Variants in WWOX observed in about 807,000 individuals in gnomAD.
WWOX encodes WW domain-containing oxidoreductase.
WWOX carries 69 observed loss-of-function variants against 46.2 expected under a neutral mutation model. That is an observed-to-expected ratio of 1.49 (90% CI 1.23 to 1.82). The LOEUF is 1.82. WWOX is among the 40% of genes most tolerant of loss of function. The pLI, the probability that WWOX is intolerant of heterozygous loss-of-function variation, is 0.00. For missense variants in WWOX, 919 were observed against 542.6 expected (o/e 1.69, Z -6.89); for synonymous variants, 359 against 202.6 (o/e 1.77, Z -6.56).
intron 8 of WWOX, among the ~76,000 whole-genome samples, chr16:79,139,569 G>A (rs948536479): frequency 3.3e-5 from 5 of 152,206 alleles, no homozygotes; most frequent in African/African-American, 7.2e-5. Flanking sequence ...TGGAAGTCAC[G>A]TGGGCTTTTT....
chr16:78,424,810 A>G (rs1597215682), intron 6 of WWOX, 60 bp from the exon 7 acceptor site: 33 of 1,595,268 alleles, frequency 2.1e-5, no homozygotes, highest in South Asian at 6.6e-5. Context: ...CCGAAGGAGC[A>G]TGGATTATCC....
At chr16:78,913,881 A>C (rs887768346) in intron 8 of WWOX, among the ~76,000 whole-genome samples, 56 of 151,966 alleles carry the variant, frequency 3.7e-4, no homozygotes, top group African/African-American at 1.3e-3. Context: ...GGCTGGTCTC[A>C]AAGTCCTGGC....
At position 79,211,744 on chromosome 16, in the gene WWOX, G is replaced by C; in HGVS notation, c.1193G>C (p.Trp398Ser). Reference sequence around the variant, plus strand: ...AGCGAAGAGACGGCCCGGACCCTGTGGGCGCTCAGCGAGAGGCTGATCCAA... The same window carrying C: ...AGCGAAGAGACGGCCCGGACCCTGTCGGCGCTCAGCGAGAGGCTGATCCAA... ...AQSEETARTL[W>S]ALSERLIQER... The change falls in exon 9 of 9, where the codon TGG (tryptophan) becomes TCG (serine). Residue 398 changes from tryptophan (W) to serine (S), a missense_variant. Trp to Ser is a radical substitution (Grantham distance 177, BLOSUM62 -3). Transcript: ENST00000566780. The C allele has an allele frequency of 6.2e-7, 1 of 1,614,194 alleles. No homozygotes were observed. Among genetic ancestry groups the C allele is most frequent in the South Asian group, 1.1e-5 (1 of 91,084 alleles).
At chr16:78,235,528 C>G (rs570689463) in intron 5 of WWOX, among the ~76,000 whole-genome samples, 1 of 152,290 alleles carries the variant, frequency 6.6e-6, no homozygotes, top group Non-Finnish European at 1.5e-5. Flanking sequence ...AACAGAGGCC[C>G]CTGACCTTGT....
chr16:78,159,602 A>G (rs137937703), intron 4 of WWOX, among the ~76,000 whole-genome samples: 3 of 146,624 alleles, frequency 2.0e-5, no homozygotes, highest in African/African-American at 7.6e-5. Flanking sequence ...CTTTTCATAC[A>G]CTTGGCTATT....
chr16:79,011,121 A>C (rs990391952), intron 8 of WWOX, among the ~76,000 whole-genome samples: 6 of 141,298 alleles, frequency 4.2e-5, no homozygotes, highest in African/African-American at 1.7e-4. Context: ...TTACATATCT[A>C]CTCACTCACA....
intron 8 of WWOX, among the ~76,000 whole-genome samples, chr16:78,706,333 C>G (rs2048328073): frequency 6.6e-6 from 1 of 152,060 alleles, no homozygotes; most frequent in Non-Finnish European, 1.5e-5. Context: ...CAGAGCCAGG[C>G]TAAAGCACCC....
At chr16:78,859,688 A>G (rs569695321) in intron 8 of WWOX, among the ~76,000 whole-genome samples, 1 of 152,320 alleles carries the variant, frequency 6.6e-6, no homozygotes, top group Non-Finnish European at 1.5e-5. Flanking sequence ...AATGTACTCA[A>G]AAATTTCTCC....
chr16:78,895,742 TAAATG>T (rs1361841847), intron 8 of WWOX: 1 of 152,238 alleles, frequency 6.6e-6, no homozygotes, highest in Non-Finnish European at 1.5e-5. Flanking sequence ...ACGCAAGACT[TAAATG>T]TAATATGGCT....
At chr16:78,131,018 G>A (rs78976866) in intron 4 of WWOX, among the ~76,000 whole-genome samples, 3,047 of 152,286 alleles carry the variant, frequency 0.02, 118 homozygotes, top group African/African-American at 0.07. Flanking sequence ...GCATGGTACC[G>A]AACTGAATAC....
chr16:78,976,729 T>C (rs1379627084), intron 8 of WWOX, among the ~76,000 whole-genome samples: 1 of 152,236 alleles, frequency 6.6e-6, no homozygotes, highest in Non-Finnish European at 1.5e-5. Flanking sequence ...ATACTACTTC[T>C]ATCTTCCCCA....
At chr16:79,018,344 G>C (rs1033353002) in intron 8 of WWOX, among the ~76,000 whole-genome samples, 1 of 152,172 alleles carries the variant, frequency 6.6e-6, no homozygotes, top group Admixed American at 6.5e-5. Flanking sequence ...TGGAGCCAAA[G>C]CCAAATAGTG....
intron 6 of WWOX, among the ~76,000 whole-genome samples, chr16:78,420,534 A>T (rs1597207682): frequency 6.6e-6 from 1 of 152,162 alleles, no homozygotes; most frequent in Admixed American, 6.5e-5. Context: ...TACGTATTGT[A>T]TGGTTCCATT....
At chr16:78,986,069 G>A (rs2046778861) in intron 8 of WWOX, among the ~76,000 whole-genome samples, 1 of 152,230 alleles carries the variant, frequency 6.6e-6, no homozygotes, top group East Asian at 1.9e-4. Flanking sequence ...ACGATGGCAT[G>A]GGAGCGTGTG....
intron 8 of WWOX, among the ~76,000 whole-genome samples, chr16:78,913,781 C>A (rs150096678): frequency 6.6e-6 from 1 of 151,828 alleles, no homozygotes; most frequent in Non-Finnish European, 1.5e-5. Context: ...CCCACCGTAG[C>A]CTCCTGAATA....
At chr16:78,649,274 C>T (rs555025506) in intron 8 of WWOX, among the ~76,000 whole-genome samples, 2 of 151,490 alleles carry the variant, frequency 1.3e-5, no homozygotes, top group South Asian at 2.1e-4. Context: ...CGTGAGCCAC[C>T]GTGACTGACC....
At chr16:78,768,339 C>T (rs1275499744) in intron 8 of WWOX, among the ~76,000 whole-genome samples, 1 of 150,344 alleles carries the variant, frequency 6.7e-6, no homozygotes, top group Non-Finnish European at 1.5e-5. Flanking sequence ...CATGTACTCC[C>T]AGCACTTTGG....
chr16:78,904,568 T>C (rs1483982852), intron 8 of WWOX, among the ~76,000 whole-genome samples: 1 of 152,082 alleles, frequency 6.6e-6, no homozygotes, highest in East Asian at 1.9e-4. Context: ...GCATGGTCAC[T>C]GGAAATGTAA....
chr16:78,978,781 A>T (rs1415667823), intron 8 of WWOX, among the ~76,000 whole-genome samples: 1 of 152,122 alleles, frequency 6.6e-6, no homozygotes, highest in Admixed American at 6.5e-5. Context: ...CACCAAGGAG[A>T]TACTGCTAAA....
Sources: allele counts gnomAD v4.1 joint callset (sites outside exome capture counted in the v4.1 genomes callset), GRCh38; gene constraint gnomAD v4.1.1; transcripts MANE v1.5; gene names NCBI Gene and HGNC (gene_info 2026-07-23, HGNC 2026-07-21).